The following RASEF variants were observed in gnomAD, a reference collection of about 807,000 sequenced individuals.
RASEF encodes RAS and EF-hand domain containing.
RASEF carries 68 observed loss-of-function variants against 90.1 expected under a neutral mutation model. That is an observed-to-expected ratio of 0.75 (90% CI 0.62 to 0.92). The LOEUF is 0.92. Ranked by LOEUF, RASEF falls within the 40% of genes least tolerant of loss-of-function variation. RASEF has a pLI of 0.00. For missense variants in RASEF, 949 were observed against 937.2 expected (o/e 1.01, Z -0.16); for synonymous variants, 331 against 345.2 (o/e 0.96, Z 0.46).
chr9:83,135,121 G>A, the RASEF span, among the ~76,000 whole-genome samples: 5 of 152,108 alleles, frequency 3.3e-5, no homozygotes, highest in Admixed American at 2.6e-4. Flanking sequence ...AGGGGGTACA[G>A]GATTTCTTTG....
the RASEF span, among the ~76,000 whole-genome samples, chr9:83,162,214 T>C: frequency 6.6e-6 from 1 of 152,302 alleles, no homozygotes; most frequent in Middle Eastern, 3.4e-3. Context: ...TCAATAAAAA[T>C]ATGATTTACA....
chr9:83,149,684 C>T, the RASEF span, among the ~76,000 whole-genome samples: 2 of 152,150 alleles, frequency 1.3e-5, no homozygotes, highest in African/African-American at 2.4e-5. Context: ...ACTCTGGCCA[C>T]CCCATGAAGC....
the RASEF span, among the ~76,000 whole-genome samples, chr9:83,198,976 G>C: frequency 1.3e-5 from 2 of 152,102 alleles, no homozygotes; most frequent in African/African-American, 4.8e-5. Context: ...GCTCATACGA[G>C]ACATGACAAC....
At chr9:83,092,158 G>T in the RASEF span, among the ~76,000 whole-genome samples, 247 of 151,442 alleles carry the variant, frequency 1.6e-3, 1 homozygote, top group African/African-American at 5.8e-3. Flanking sequence ...ATTTTTGAAG[G>T]TCCTTACTCT....
chr9:83,124,714 ACAAACT>A, the RASEF span, among the ~76,000 whole-genome samples: 26 of 152,326 alleles, frequency 1.7e-4, no homozygotes, highest in African/African-American at 6.0e-4. Flanking sequence ...CTGGAGAGAA[ACAAACT>A]CAATGATTAT....
intron 1 of RASEF, among the ~76,000 whole-genome samples, chr9:83,039,430 G>A (rs1829799242): frequency 6.6e-6 from 1 of 152,152 alleles, no homozygotes; most frequent in South Asian, 2.1e-4. Flanking sequence ...GGCTCAACGT[G>A]AACTGATGTG....
the RASEF span, among the ~76,000 whole-genome samples, chr9:83,080,293 G>C: frequency 6.6e-6 from 1 of 152,214 alleles, no homozygotes; most frequent in South Asian, 2.1e-4. Context: ...GTTACATAAA[G>C]GAGACAGTCA....
chr9:83,000,189 T>C lies in RASEF; in HGVS notation c.1703A>G (p.Glu568Gly), dbSNP rs1237002733. ...LMRLCKNEFRENISATLGVDF... is the reference protein window; with the variant it reads ...LMRLCKNEFRGNISATLGVDF... ...CATACCCAGGGTGGCGCTTATATTT[T>C]CTCGAAATTCATTCTTGCAAAGTCT... Residue 568 changes from glutamate to glycine, a missense_variant, in exon 12 of 17, where the codon GAA becomes GGA. Physicochemically the swap from Glu to Gly is moderately conservative, Grantham distance 98. Transcript: ENST00000376447. 6.2e-7 allele frequency: 1 copy of C among 1,613,808 alleles called. No individual in the cohort carries two copies. Among genetic ancestry groups the C allele is most frequent in the Non-Finnish European group, 8.5e-7 (1 of 1,179,990 alleles).
chr9:83,091,417 T>C, the RASEF span, among the ~76,000 whole-genome samples: 10 of 152,070 alleles, frequency 6.6e-5, no homozygotes, highest in Non-Finnish European at 1.3e-4. Flanking sequence ...TAGCCAGGCA[T>C]GGTGGTGCGC....
At chr9:83,095,621 A>G in the RASEF span, among the ~76,000 whole-genome samples, 10 of 151,960 alleles carry the variant, frequency 6.6e-5, no homozygotes, top group Admixed American at 3.3e-4. Flanking sequence ...AGCAGTTCAT[A>G]CCAGACTATA....
the RASEF span, among the ~76,000 whole-genome samples, chr9:83,081,209 C>T: frequency 6.6e-6 from 1 of 152,138 alleles, no homozygotes; most frequent in Non-Finnish European, 1.5e-5. Context: ...AGGGACTCTG[C>T]CTCCAAAGTC....
At chr9:83,147,059 T>TATATAA in the RASEF span, among the ~76,000 whole-genome samples, 42 of 147,856 alleles carry the variant, frequency 2.8e-4, no homozygotes, top group African/African-American at 9.2e-4. Flanking sequence ...TATATATATA[T>TATATAA]AAATATGTAC....
At chr9:83,196,981 A>G in the RASEF span, among the ~76,000 whole-genome samples, 3 of 152,250 alleles carry the variant, frequency 2.0e-5, no homozygotes, top group Non-Finnish European at 4.4e-5. Context: ...ACAGAAAGAA[A>G]GAGCTCTTCT....
chr9:82,985,197 G>A (rs552810478), intron 16 of RASEF, among the ~76,000 whole-genome samples: 7 of 152,250 alleles, frequency 4.6e-5, no homozygotes, highest in Non-Finnish European at 8.8e-5. Flanking sequence ...AAGTGGGAAC[G>A]AAAAGAGGTT....
intron 1 of RASEF, among the ~76,000 whole-genome samples, chr9:83,026,956 G>A (rs1318999287): frequency 6.6e-6 from 1 of 152,124 alleles, no homozygotes; most frequent in Non-Finnish European, 1.5e-5. Flanking sequence ...CCAGTCACAA[G>A]TTCCAGGTTG....
At chr9:83,114,112 A>G in the RASEF span, among the ~76,000 whole-genome samples, 14 of 152,182 alleles carry the variant, frequency 9.2e-5, no homozygotes, top group African/African-American at 3.4e-4. Flanking sequence ...CCCCGAATGG[A>G]GGGACCAGCT....
intron 1 of RASEF, chr9:83,048,381 C>G: frequency 1.0e-6 from 1 of 985,342 alleles, no homozygotes; most frequent in Non-Finnish European, 1.2e-6. Context: ...TGGACCCAGG[C>G]CATCTACCTC....
chr9:83,004,423 C>A, intron 9 of RASEF, 75 bp downstream of exon 9: 1 of 773,372 alleles, frequency 1.3e-6, no homozygotes, highest in Non-Finnish European at 2.1e-6. Flanking sequence ...TATTTTAATC[C>A]ACCTCCAAGG....
At chr9:83,198,048 T>C in the RASEF span, among the ~76,000 whole-genome samples, 2 of 152,226 alleles carry the variant, frequency 1.3e-5, no homozygotes, top group Non-Finnish European at 2.9e-5. Flanking sequence ...CAAAATCTCA[T>C]CACTCTGGTC....
Sources: gnomAD v4.1 joint callset for allele counts (sites outside exome capture counted in the v4.1 genomes callset) on GRCh38, gnomAD v4.1.1 for gene constraint, MANE v1.5 for transcripts, NCBI Gene and HGNC (gene_info 2026-07-23, HGNC 2026-07-21) for gene names.